The following MAF variants were observed in gnomAD, a reference collection of about 807,000 sequenced individuals.
MAF encodes the protein transcription factor Maf.
MAF carries 10 observed loss-of-function variants against 22.0 expected under a neutral mutation model. The observed-to-expected ratio is 0.45, with a 90% CI of 0.28 to 0.77. The LOEUF is 0.77. MAF is among the 30% of genes least tolerant of loss of function. MAF has a pLI of 0.12. For missense variants in MAF, 544 were observed against 548.4 expected (o/e 0.99, Z 0.08); for synonymous variants, 337 against 255.8 (o/e 1.32, Z -3.03).
chr16:79,490,059 G>A, the MAF span, among the ~76,000 whole-genome samples: 4 of 152,198 alleles, frequency 2.6e-5, no homozygotes, highest in Non-Finnish European at 4.4e-5. Flanking sequence ...GTGTGTCTAA[G>A]TGTCTACACC....
chr16:79,588,988 T>A (rs1432056249), downstream of MAF, among the ~76,000 whole-genome samples: 1 of 152,094 alleles, frequency 6.6e-6, no homozygotes, highest in Non-Finnish European at 1.5e-5. Flanking sequence ...ACATAAAAAA[T>A]CTGACAGTGT....
chr16:79,583,257 C>CA (rs1912635544), downstream of MAF, among the ~76,000 whole-genome samples: 1 of 152,168 alleles, frequency 6.6e-6, no homozygotes, highest in Admixed American at 6.5e-5. Context: ...CCCCAGTTCA[C>CA]AAAATCATAA....
At chr16:79,456,958 A>C in the MAF span, among the ~76,000 whole-genome samples, 4 of 151,282 alleles carry the variant, frequency 2.6e-5, no homozygotes, top group Non-Finnish European at 4.4e-5. Flanking sequence ...ACACACACAC[A>C]CCCTTGGAGC....
the MAF span, among the ~76,000 whole-genome samples, chr16:79,525,398 G>A: frequency 0.066 from 10,029 of 152,220 alleles, 511 homozygotes; most frequent in Non-Finnish European, 0.088. Flanking sequence ...AGGGGACAGA[G>A]TGGTCTTGTT....
At chr16:79,461,532 T>A in the MAF span, among the ~76,000 whole-genome samples, 2 of 152,180 alleles carry the variant, frequency 1.3e-5, no homozygotes, top group African/African-American at 4.8e-5. Context: ...AGGCTCTTTG[T>A]CATCTCCCCT....
chr16:79,520,482 T>A, the MAF span, among the ~76,000 whole-genome samples: 2 of 152,218 alleles, frequency 1.3e-5, no homozygotes, highest in African/African-American at 4.8e-5. Context: ...TCTGTGTGTG[T>A]GTGCGTGTGT....
the MAF span, among the ~76,000 whole-genome samples, chr16:79,385,572 G>A: frequency 6.6e-6 from 1 of 152,190 alleles, no homozygotes; most frequent in African/African-American, 2.4e-5. Context: ...TACACGTTGT[G>A]TTCTTAATTT....
chr16:79,527,660 A>G, the MAF span, among the ~76,000 whole-genome samples: 3 of 152,136 alleles, frequency 2.0e-5, no homozygotes, highest in Admixed American at 2.0e-4. Context: ...CCATCACCTT[A>G]CAATCATAAA....
the MAF span, among the ~76,000 whole-genome samples, chr16:79,565,511 G>GGT: frequency 6.6e-6 from 1 of 152,088 alleles, no homozygotes; most frequent in Non-Finnish European, 1.5e-5. Flanking sequence ...TGTTGTGGGG[G>GGT]GGGGGACCAG....
the MAF span, among the ~76,000 whole-genome samples, chr16:79,512,841 G>T: frequency 2.0e-5 from 3 of 152,304 alleles, no homozygotes; most frequent in African/African-American, 7.2e-5. Flanking sequence ...GTCTCGCAGA[G>T]CCCAGGGCCG....
chr16:79,431,523 A>G, the MAF span, among the ~76,000 whole-genome samples: 1 of 152,230 alleles, frequency 6.6e-6, no homozygotes, highest in Non-Finnish European at 1.5e-5. Context: ...GGTAAGTTTG[A>G]GCAAATCATT....
the MAF span, among the ~76,000 whole-genome samples, chr16:79,265,761 A>C: frequency 1.3e-5 from 2 of 152,172 alleles, no homozygotes; most frequent in African/African-American, 4.8e-5. Context: ...CTTTTCCCCT[A>C]AAGGAAGCAC....
chr16:79,416,523 T>C, the MAF span, among the ~76,000 whole-genome samples: 2 of 148,592 alleles, frequency 1.3e-5, no homozygotes, highest in South Asian at 2.1e-4. Context: ...AGATCAGGCA[T>C]TTACTGTGAC....
At chr16:79,344,116 G>C in the MAF span, among the ~76,000 whole-genome samples, 12 of 152,226 alleles carry the variant, frequency 7.9e-5, no homozygotes, top group Non-Finnish European at 1.3e-4. Flanking sequence ...CTCCCTGGAA[G>C]ATGGAAGCTG....
At chr16:79,229,248 C>T in the MAF span, 1 of 151,848 alleles carries the variant, frequency 6.6e-6, no homozygotes, top group Admixed American at 6.6e-5. Flanking sequence ...AGAAAAGCCT[C>T]TCCCAACCCC....
chr16:79,485,107 C>T, the MAF span, among the ~76,000 whole-genome samples: 5,463 of 152,196 alleles, frequency 0.036, 357 homozygotes, highest in African/African-American at 0.12. Context: ...TAGCATGAGA[C>T]GTGGTATAGA....
the MAF span, among the ~76,000 whole-genome samples, chr16:79,501,753 T>G: frequency 6.6e-6 from 1 of 152,206 alleles, no homozygotes; most frequent in Non-Finnish European, 1.5e-5. Context: ...AAAGCTGACT[T>G]TGAAATCCCC....
At chr16:79,210,015 A>T in the MAF span, among the ~76,000 whole-genome samples, 6 of 152,190 alleles carry the variant, frequency 3.9e-5, no homozygotes, top group African/African-American at 9.7e-5. Context: ...GAGGTAACAA[A>T]CCAGCTACTA....
At chr16:79,463,385 C>G in the MAF span, among the ~76,000 whole-genome samples, 1 of 152,170 alleles carries the variant, frequency 6.6e-6, no homozygotes, top group Non-Finnish European at 1.5e-5. Flanking sequence ...TACCTTGATG[C>G]CCTGAAAGTT....
Sources: allele counts gnomAD v4.1 joint callset (sites outside exome capture counted in the v4.1 genomes callset), GRCh38; gene constraint gnomAD v4.1.1; transcripts MANE v1.5; gene names NCBI Gene and HGNC (gene_info 2026-07-23, HGNC 2026-07-21).